The following CNTNAP2 variants were observed in gnomAD, a reference collection of about 807,000 sequenced individuals.
CNTNAP2 encodes the protein contactin-associated protein-like 2.
In CNTNAP2, 98 loss-of-function variants were observed where a neutral mutation model predicts 155.2. The observed-to-expected ratio is 0.63, with a 90% CI of 0.54 to 0.75. The LOEUF is 0.75. Ranked by LOEUF, CNTNAP2 falls within the 30% of genes least tolerant of loss-of-function variation. The probability of loss-of-function intolerance (pLI) is 0.00; values close to 1 mark genes in which losing one functional copy is unlikely to be tolerated. For synonymous variants in CNTNAP2, 651 were observed against 631.2 expected (o/e 1.03, Z -0.47); for missense variants, 1,727 against 1,688.1 (o/e 1.02, Z -0.40).
chr7:146,899,885 T>C (rs1795957416), intron 3 of CNTNAP2, among the ~76,000 whole-genome samples: 1 of 152,320 alleles, frequency 6.6e-6, no homozygotes, highest in Non-Finnish European at 1.5e-5. Flanking sequence ...GCCCTGTTTA[T>C]GGGAGCTTTT....
chr7:146,206,926 T>C (rs1798956245), intron 1 of CNTNAP2, among the ~76,000 whole-genome samples: 2 of 152,036 alleles, frequency 1.3e-5, no homozygotes. Flanking sequence ...GATTTGTTTC[T>C]TTTATGCTAT....
At chr7:146,196,134 A>C (rs11980028) in intron 1 of CNTNAP2, among the ~76,000 whole-genome samples, 46,472 of 152,090 alleles carry the variant, frequency 0.31, 8,314 homozygotes, top group African/African-American at 0.5. Context: ...GCTCATGCAC[A>C]ATTACATTTG....
At chr7:146,906,221 G>C (rs2129215112) in intron 3 of CNTNAP2, among the ~76,000 whole-genome samples, 1 of 152,180 alleles carries the variant, frequency 6.6e-6, no homozygotes, top group East Asian at 1.9e-4. Flanking sequence ...AGCGAGGCTG[G>C]GGGAGGGGCG....
At chr7:146,623,779 T>A (rs1362756643) in intron 1 of CNTNAP2, among the ~76,000 whole-genome samples, 2 of 152,140 alleles carry the variant, frequency 1.3e-5, no homozygotes, top group African/African-American at 2.4e-5. Context: ...TAATTGTGGG[T>A]CTTATAGTGA....
intron 6 of CNTNAP2, among the ~76,000 whole-genome samples, chr7:147,128,057 T>G (rs995021327): frequency 1.3e-5 from 2 of 152,024 alleles, no homozygotes; most frequent in African/African-American, 4.8e-5. Flanking sequence ...TTGTCTTATT[T>G]CTTAAGATTT....
At chr7:146,393,994 G>A (rs1348918741) in intron 1 of CNTNAP2, among the ~76,000 whole-genome samples, 2 of 152,134 alleles carry the variant, frequency 1.3e-5, no homozygotes, top group Non-Finnish European at 2.9e-5. Context: ...CAGTTGGCCA[G>A]TCAGCAACTA....
chr7:147,294,815 C>T (rs538964836), intron 8 of CNTNAP2, among the ~76,000 whole-genome samples: 13 of 151,910 alleles, frequency 8.6e-5, no homozygotes, highest in African/African-American at 2.9e-4. Context: ...CCCACCACCA[C>T]ACCCGGCTAA....
intron 2 of CNTNAP2, among the ~76,000 whole-genome samples, chr7:146,800,915 A>T (rs1231232357): frequency 1.3e-5 from 2 of 152,130 alleles, no homozygotes; most frequent in African/African-American, 4.8e-5. Flanking sequence ...GGAAAAGTAT[A>T]AAGTACCCTA....
intron 1 of CNTNAP2, among the ~76,000 whole-genome samples, chr7:146,491,087 G>GC (rs1317793572): frequency 6.6e-6 from 1 of 151,444 alleles, no homozygotes; most frequent in South Asian, 2.1e-4. Flanking sequence ...TTTTTGCAAA[G>GC]CCCCCCCAAA....
At chr7:147,449,565 A>G (rs969777952) in intron 10 of CNTNAP2, among the ~76,000 whole-genome samples, 1 of 152,234 alleles carries the variant, frequency 6.6e-6, no homozygotes, top group African/African-American at 2.4e-5. Flanking sequence ...TGGAGAAATC[A>G]AATTCAGTAA....
chr7:147,165,031 G>C (rs1802089781), intron 8 of CNTNAP2, among the ~76,000 whole-genome samples: 1 of 152,168 alleles, frequency 6.6e-6, no homozygotes, highest in Non-Finnish European at 1.5e-5. Context: ...GAAATCTATT[G>C]AGTTGGAATA....
At position 147,485,943 on chromosome 7, in the gene CNTNAP2, C is replaced by G. The variant is rs1064795313; in HGVS notation, c.1679C>G (p.Pro560Arg). 3.1e-6 allele frequency: 5 copies of G among 1,613,896 alleles called. No individual in the cohort carries two copies. Among genetic ancestry groups the G allele is most frequent in the South Asian group, 2.2e-5 (2 of 91,068 alleles). ...GTCTCTCTCTCTGACAGATGTGTGC[C>G]CAATCACTGTGAGCATGGTGGAAAG... ...DMCAIIDRCV[P>R]NHCEHGGKCS... The change falls in exon 11 of 24, where the codon CCC (proline) becomes CGC (arginine). Residue 560 changes from proline (P) to arginine (R), a missense_variant. Pro to Arg is a moderately radical substitution (Grantham distance 103, BLOSUM62 -2). Transcript: ENST00000361727.
intron 1 of CNTNAP2, among the ~76,000 whole-genome samples, chr7:146,187,313 G>A (rs1293490367): frequency 6.6e-6 from 1 of 152,140 alleles, no homozygotes; most frequent in Non-Finnish European, 1.5e-5. Context: ...TGTTACATGT[G>A]GGAGGTAGAC....
At chr7:147,885,011 A>G (rs1029318964) in intron 13 of CNTNAP2, among the ~76,000 whole-genome samples, 2 of 152,218 alleles carry the variant, frequency 1.3e-5, no homozygotes, top group Non-Finnish European at 2.9e-5. Flanking sequence ...GAATGGATGC[A>G]TTTTTCAGAT....
chr7:147,536,597 C>T (rs1349156106), intron 11 of CNTNAP2, among the ~76,000 whole-genome samples: 2 of 152,174 alleles, frequency 1.3e-5, no homozygotes, highest in South Asian at 2.1e-4. Flanking sequence ...AAATATCTGT[C>T]CATGGTGTAT....
At position 147,051,279 on chromosome 7, in the gene CNTNAP2, G is replaced by A. The variant is rs544377775; in HGVS notation, c.550+7225G>A. ...AAATCAGTTCTGGAAGTCAACCTGT[G>A]TGTTCCTACTTAAATTAGATGTTTA... On this transcript the variant is annotated intron_variant, in intron 4 of 23. Coordinates refer to ENST00000361727, the MANE Select transcript of CNTNAP2 (RefSeq NM_014141.6). Among the ~76,000 whole-genome samples, 30 of 151,420 alleles carry A rather than the reference G, an allele frequency of 2.0e-4. No individual in the cohort carries two copies. In the South Asian group the frequency reaches 3.1e-3, roughly 16 times the overall value.
chr7:148,077,631 T>C (rs1178688627), intron 15 of CNTNAP2, among the ~76,000 whole-genome samples: 2 of 152,158 alleles, frequency 1.3e-5, no homozygotes, highest in South Asian at 2.1e-4. Context: ...AAAATCTTTC[T>C]TTTTTTCGGA....
chr7:147,775,255 T>G (rs1159936841), intron 13 of CNTNAP2, among the ~76,000 whole-genome samples: 1 of 112,394 alleles, frequency 8.9e-6, no homozygotes, highest in Non-Finnish European at 1.7e-5. Context: ...ATATATATAT[T>G]TATAAATATA....
At chr7:148,349,491 T>C (rs867808102) in intron 21 of CNTNAP2, among the ~76,000 whole-genome samples, 7 of 150,070 alleles carry the variant, frequency 4.7e-5, no homozygotes, top group African/African-American at 1.7e-4. Context: ...AAGCTTTGCC[T>C]CCCAGGTTCA....
Sources: allele counts gnomAD v4.1 joint callset (sites outside exome capture counted in the v4.1 genomes callset), GRCh38; gene constraint gnomAD v4.1.1; transcripts MANE v1.5; gene names NCBI Gene and HGNC (gene_info 2026-07-23, HGNC 2026-07-21).